Variants in RCSD1 observed in about 807,000 individuals in gnomAD.
The protein encoded by RCSD1 is capZ-interacting protein.
A neutral mutation model predicts 42.5 loss-of-function variants in RCSD1; 26 were observed. The observed-to-expected ratio is 0.61, with a 90% CI of 0.45 to 0.85. The LOEUF (loss-of-function observed/expected upper bound fraction) is 0.85. Ranked by LOEUF, RCSD1 falls within the 40% of genes least tolerant of loss-of-function variation. RCSD1 has a pLI of 0.00. For missense variants in RCSD1, 571 were observed against 528.3 expected (o/e 1.08, Z -0.79); for synonymous variants, 220 against 212.2 (o/e 1.04, Z -0.32).
intron 1 of RCSD1, among the ~76,000 whole-genome samples, chr1:167,669,807 T>A (rs1441590483): frequency 6.6e-6 from 1 of 152,202 alleles, no homozygotes; most frequent in East Asian, 1.9e-4. Flanking sequence ...CACCATGTCC[T>A]GCTAATGCTC....
Position 167,657,853 on chromosome 1 carries a change from C to T in RCSD1, c.7-26047C>T, listed in dbSNP as rs148724576. The stretch of plus-strand genomic sequence containing the variant: ...TGCTTCCTTTTCCTTGAAAATATAT[C>T]GTGGACAGCCCTACAAAATCAGTTC... On this transcript the variant is annotated intron_variant, in intron 1 of 6. Coordinates refer to ENST00000367854, the MANE Select transcript of RCSD1 (RefSeq NM_052862.4). Among the ~76,000 whole-genome samples the T allele has an allele frequency of 1.8e-3, 275 of 152,006 alleles. 1 individual carries two copies. Among genetic ancestry groups the T allele is most frequent in the African/African-American group, 6.2e-3 (258 of 41,432 alleles).
intron 3 of RCSD1, among the ~76,000 whole-genome samples, chr1:167,687,179 G>A (rs1186842480): frequency 2.0e-5 from 3 of 152,166 alleles, no homozygotes; most frequent in South Asian, 2.1e-4. Context: ...CAGGCTGCTC[G>A]CACATTGAAA....
intron 1 of RCSD1, among the ~76,000 whole-genome samples, chr1:167,671,829 C>T (rs1658813348): frequency 1.3e-5 from 2 of 152,246 alleles, no homozygotes; most frequent in African/African-American, 2.4e-5. Flanking sequence ...CATGCTCTGG[C>T]CTCATCTTGC....
At chr1:167,648,618 C>A (rs1424270271) in intron 1 of RCSD1, among the ~76,000 whole-genome samples, 1 of 152,178 alleles carries the variant, frequency 6.6e-6, no homozygotes, top group African/African-American at 2.4e-5. Flanking sequence ...GGGGTGTGGA[C>A]CCCCTGGAAA....
intron 1 of RCSD1, among the ~76,000 whole-genome samples, chr1:167,636,140 C>G (rs1265413095): frequency 6.6e-6 from 1 of 152,176 alleles, no homozygotes; most frequent in East Asian, 1.9e-4. Context: ...ATTGTGGAAA[C>G]AGCTGGCTAA....
rs571013158 is a variant in RCSD1, at chr1:167,656,241, C to T, written c.6+25812C>T. ...GGACTTGAACCCAGGTCTTTTCAAC[C>T]TGTCTCGAGTTCTATGACATAATCC... On this transcript the variant is annotated intron_variant, in intron 1 of 6. Transcript: ENST00000367854. 8.5e-5 allele frequency among the ~76,000 whole-genome samples: 13 copies of T among 152,264 alleles called. No individual in the cohort carries two copies. The South Asian group carries it at 1.5e-3, about 17-fold the overall frequency.
chr1:167,682,666 AGAGTGTGTGTGTGT>A (rs1659109753), intron 1 of RCSD1, among the ~76,000 whole-genome samples: 1 of 112,634 alleles, frequency 8.9e-6, no homozygotes, highest in Non-Finnish European at 1.8e-5. Context: ...GGGCCATGGA[AGAGTGTGTGTGTGT>A]GTGTGTGTGT....
chr1:167,631,805 G>A (rs149311214), intron 1 of RCSD1, among the ~76,000 whole-genome samples: 108 of 152,332 alleles, frequency 7.1e-4, no homozygotes, highest in African/African-American at 2.6e-3. Context: ...TGTTTTCTAA[G>A]CTAGACTCTG....
At position 167,644,789 on chromosome 1, in the gene RCSD1, G is replaced by A. The variant is rs76070826; in HGVS notation, c.6+14360G>A. 6.5e-3 allele frequency among the ~76,000 whole-genome samples: 986 copies of A among 152,294 alleles called. 4 individuals are homozygous for A. Among genetic ancestry groups the A allele is most frequent in the Non-Finnish European group, 0.01 (714 of 68,022 alleles). On this transcript the variant is annotated intron_variant, in intron 1 of 6. Transcript: ENST00000367854. ...ATTCGGAGACTGCTAAAACAGCTGC[G>A]GGGATTGGACAGTAAGAGGCTAAGC...
chr1:167,694,404 T>G, intron 5 of RCSD1, 102 bp downstream of exon 5: 1 of 1,140,410 alleles, frequency 8.8e-7, no homozygotes, highest in Non-Finnish European at 1.3e-6. Flanking sequence ...GGAGGAAACA[T>G]TCGGAGTTAC....
intron 1 of RCSD1, among the ~76,000 whole-genome samples, chr1:167,680,405 G>T (rs1192528582): frequency 6.6e-6 from 1 of 151,750 alleles, no homozygotes; most frequent in African/African-American, 2.4e-5. Flanking sequence ...AGGTCGGATG[G>T]GAGGAGGAGG....
At position 167,681,668 on chromosome 1, in the gene RCSD1, C is replaced by A. The variant is rs150706355; in HGVS notation, c.7-2232C>A. Among the ~76,000 whole-genome samples, 71 of 152,246 alleles carry A rather than the reference C, an allele frequency of 4.7e-4. No homozygotes were observed. In the South Asian group the frequency reaches 7.1e-3, roughly 15 times the overall value. On this transcript the variant is annotated intron_variant, in intron 1 of 6. Coordinates refer to ENST00000367854, the MANE Select transcript of RCSD1 (RefSeq NM_052862.4). Reference sequence around the variant, plus strand: ...CTTCCTGCTCCACCAGTGATTGGCGCCTTTGAAACTGAGGTAAAGCACACT... The same window carrying A: ...CTTCCTGCTCCACCAGTGATTGGCGACTTTGAAACTGAGGTAAAGCACACT...
Position 167,666,063 on chromosome 1 carries a change from C to T in RCSD1, c.7-17837C>T, listed in dbSNP as rs1658649179. ...CTGGCCTTAAGTGATAGGCCTGCCT[C>T]AGCCTCCCAAAGTGCTGGGATTACA... On this transcript the variant is annotated intron_variant, in intron 1 of 6. Transcript: ENST00000367854. Among the ~76,000 whole-genome samples, 3 of 152,230 alleles carry T rather than the reference C, an allele frequency of 2.0e-5. No individual in the cohort carries two copies. The South Asian group carries it at 6.2e-4, about 31-fold the overall frequency.
chr1:167,643,814 G>A (rs1422361158), intron 1 of RCSD1, among the ~76,000 whole-genome samples: 1 of 152,220 alleles, frequency 6.6e-6, no homozygotes, highest in African/African-American at 2.4e-5. Context: ...CACATATTAG[G>A]TGTGATGTAA....
chr1:167,701,546 T>C (rs1338551809), intron 6 of RCSD1, among the ~76,000 whole-genome samples: 2 of 152,046 alleles, frequency 1.3e-5, no homozygotes, highest in African/African-American at 4.8e-5. Flanking sequence ...CCTCAAGTGA[T>C]CTGCCCACCT....
chr1:167,651,639 C>T (rs1658309849), intron 1 of RCSD1, among the ~76,000 whole-genome samples: 1 of 152,188 alleles, frequency 6.6e-6, no homozygotes, highest in African/African-American at 2.4e-5. Context: ...TCCTGCTGGT[C>T]CCTCTACCTG....
At chr1:167,659,097 T>C (rs1658488720) in intron 1 of RCSD1, among the ~76,000 whole-genome samples, 1 of 152,194 alleles carries the variant, frequency 6.6e-6, no homozygotes, top group Admixed American at 6.5e-5. Context: ...CCACCGCCCA[T>C]CATCTGATAA....
chr1:167,677,842 A>C (rs909587484), intron 1 of RCSD1, among the ~76,000 whole-genome samples: 1 of 152,178 alleles, frequency 6.6e-6, no homozygotes, highest in Admixed American at 6.5e-5. Flanking sequence ...TAGGGAAAAG[A>C]TCTTGAGGCC....
At chr1:167,687,517 C>T (rs930437240) in intron 3 of RCSD1, among the ~76,000 whole-genome samples, 9 of 142,296 alleles carry the variant, frequency 6.3e-5, no homozygotes, top group African/African-American at 2.3e-4. Flanking sequence ...AGCAAGACTC[C>T]GTCTCAAAAA....
Sources: gnomAD v4.1 joint callset for allele counts (sites outside exome capture counted in the v4.1 genomes callset) on GRCh38, gnomAD v4.1.1 for gene constraint, MANE v1.5 for transcripts, NCBI Gene and HGNC (gene_info 2026-07-23, HGNC 2026-07-21) for gene names.